The following DCC variants were observed in gnomAD, a reference collection of about 807,000 sequenced individuals.
The protein encoded by DCC is netrin receptor DCC.
In DCC, 58 loss-of-function variants were observed where a neutral mutation model predicts 172.5. The ratio of observed to expected loss-of-function variants is 0.34; its 90% CI spans 0.27 to 0.42. The LOEUF (loss-of-function observed/expected upper bound fraction) is 0.42. Among genes scored for constraint, DCC ranks in the 10% least tolerant of loss-of-function variants. The pLI, the probability that DCC is intolerant of heterozygous loss-of-function variation, is 1.00. For missense variants in DCC, 1,740 were observed against 1,791.0 expected (o/e 0.97, Z 0.51); for synonymous variants, 709 against 644.5 (o/e 1.10, Z -1.52).
intron 12 of DCC, among the ~76,000 whole-genome samples, chr18:53,293,036 GTATTTTGTAGTGTTTTC>G (rs543610132): frequency 5.0e-4 from 76 of 152,250 alleles, no homozygotes; most frequent in African/African-American, 1.4e-3. Flanking sequence ...GCAAAACTTT[GTATTTTGTAGTGTTTTC>G]AATTTTCTAA....
chr18:53,460,931 C>G (rs867789921), intron 24 of DCC, among the ~76,000 whole-genome samples: 1 of 152,172 alleles, frequency 6.6e-6, no homozygotes, highest in Admixed American at 6.5e-5. Flanking sequence ...TCCACATCCT[C>G]TCCAGGACCT....
intron 1 of DCC, among the ~76,000 whole-genome samples, chr18:52,358,131 C>T (rs922195280): frequency 9.9e-5 from 15 of 152,048 alleles, no homozygotes; most frequent in Admixed American, 7.9e-4. Context: ...AGACAAACCC[C>T]ATTTGAGATT....
intron 17 of DCC, among the ~76,000 whole-genome samples, chr18:53,396,876 A>G (rs1035127209): frequency 2.6e-5 from 4 of 152,162 alleles, no homozygotes; most frequent in Admixed American, 2.0e-4. Context: ...TTGAGTTGAC[A>G]GAAGGAAGTG....
chr18:53,297,177 G>A (rs1192731568), intron 12 of DCC, among the ~76,000 whole-genome samples: 1 of 152,134 alleles, frequency 6.6e-6, no homozygotes, highest in African/African-American at 2.4e-5. Context: ...CGTCTACAGT[G>A]GAGAAAACAG....
intron 13 of DCC, among the ~76,000 whole-genome samples, chr18:53,317,774 G>A (rs896004705): frequency 6.6e-6 from 1 of 152,282 alleles, no homozygotes; most frequent in East Asian, 1.9e-4. Flanking sequence ...TTTGCATAGA[G>A]GTGTTTATAG....
At chr18:52,673,825 T>C (rs2035599797) in intron 1 of DCC, among the ~76,000 whole-genome samples, 1 of 152,240 alleles carries the variant, frequency 6.6e-6, no homozygotes. Context: ...GGTAAACTCT[T>C]CTACCTTAGG....
intron 5 of DCC, among the ~76,000 whole-genome samples, chr18:52,931,275 GGAT>G (rs199524105): frequency 0.01 from 1,586 of 152,040 alleles, 13 homozygotes; most frequent in Non-Finnish European, 0.017. Flanking sequence ...TTCTTAAAAT[GGAT>G]GATAAGAAAA....
chr18:53,059,275 G>A (rs945388414), intron 5 of DCC, among the ~76,000 whole-genome samples: 7 of 152,100 alleles, frequency 4.6e-5, no homozygotes, highest in Admixed American at 3.3e-4. Context: ...GGGTGGAGAC[G>A]TAGCCAAACT....
chr18:52,577,128 A>T (rs1408222290), intron 1 of DCC, among the ~76,000 whole-genome samples: 2 of 152,216 alleles, frequency 1.3e-5, no homozygotes, highest in African/African-American at 4.8e-5. Context: ...TACTTAGGAG[A>T]CACATTGCAG....
Position 53,428,141 on chromosome 18 carries a change from AAT to A in DCC, c.3164-6997_3164-6996del, listed in dbSNP as rs1282309209. 3.7e-5 allele frequency among the ~76,000 whole-genome samples: 2 copies of A among 53,500 alleles called. 1 individual carries two copies. Among genetic ancestry groups the A allele is most frequent in the East Asian group, 9.2e-4 (2 of 2,172 alleles). The allele number at this position is 53,500 out of a possible 152,430, so 35.1% of individuals were successfully genotyped here. On this transcript the variant is annotated intron_variant, in intron 21 of 28. Transcript: ENST00000442544. Reference sequence around the variant, plus strand: ...TATATAATATATAATATAATATAATAATATATAATATATAATATAATAATATA... The same window carrying A: ...TATATAATATATAATATAATATAATAATATAATATATAATATAATAATATA...
At chr18:53,042,377 C>A (rs2042180513) in intron 5 of DCC, among the ~76,000 whole-genome samples, 1 of 151,924 alleles carries the variant, frequency 6.6e-6, no homozygotes, top group Non-Finnish European at 1.5e-5. Context: ...GGTGGATAAG[C>A]TTTTTGATGT....
At chr18:53,118,184 T>A (rs943612511) in intron 7 of DCC, among the ~76,000 whole-genome samples, 7 of 151,806 alleles carry the variant, frequency 4.6e-5, no homozygotes, top group Non-Finnish European at 1.0e-4. Context: ...AGGCCCCCAA[T>A]AATATTTTTG....
intron 12 of DCC, among the ~76,000 whole-genome samples, chr18:53,291,335 C>A (rs566774476): frequency 5.3e-5 from 8 of 152,114 alleles, no homozygotes; most frequent in Non-Finnish European, 7.4e-5. Context: ...TAATACCTTG[C>A]GATCTCAGTG....
intron 1 of DCC, among the ~76,000 whole-genome samples, chr18:52,532,392 G>T (rs1396554075): frequency 6.6e-6 from 1 of 152,110 alleles, no homozygotes; most frequent in Non-Finnish European, 1.5e-5. Context: ...ACCAAAATAA[G>T]TTCAAGACTC....
chr18:52,621,906 A>G (rs2034487626), intron 1 of DCC, among the ~76,000 whole-genome samples: 1 of 152,206 alleles, frequency 6.6e-6, no homozygotes, highest in African/African-American at 2.4e-5. Context: ...AGAATAGTAC[A>G]CAACTCCAGA....
intron 1 of DCC, among the ~76,000 whole-genome samples, chr18:52,467,240 C>T (rs929380030): frequency 4.0e-5 from 6 of 151,874 alleles, no homozygotes; most frequent in Non-Finnish European, 5.9e-5. Context: ...TGTTCCTCTC[C>T]CTGTGTCCAT....
At chr18:52,957,329 C>T (rs1033171227) in intron 5 of DCC, among the ~76,000 whole-genome samples, 1 of 151,814 alleles carries the variant, frequency 6.6e-6, no homozygotes, top group South Asian at 2.1e-4. Context: ...GAAAAATAGA[C>T]ATTTATAAAT....
At chr18:53,042,450 A>G (rs896342303) in intron 5 of DCC, among the ~76,000 whole-genome samples, 3 of 151,952 alleles carry the variant, frequency 2.0e-5, no homozygotes, top group Admixed American at 1.3e-4. Context: ...CGTCAGGCAT[A>G]TTGGCCTGAA....
At chr18:52,674,952 G>A (rs367656907) in intron 1 of DCC, among the ~76,000 whole-genome samples, 17 of 152,254 alleles carry the variant, frequency 1.1e-4, no homozygotes, top group East Asian at 7.7e-4. Context: ...TATTCTCTAC[G>A]AAGCCTACTA....
Sources: allele counts gnomAD v4.1 joint callset (sites outside exome capture counted in the v4.1 genomes callset), GRCh38; gene constraint gnomAD v4.1.1; transcripts MANE v1.5; gene names NCBI Gene and HGNC (gene_info 2026-07-23, HGNC 2026-07-21).